The following MROH2B variants were observed in gnomAD, a reference collection of about 807,000 sequenced individuals.
The protein encoded by MROH2B is maestro heat-like repeat-containing protein family member 2B.
A neutral mutation model predicts 208.6 loss-of-function variants in MROH2B; 177 were observed. That is an observed-to-expected ratio of 0.85 (90% CI 0.75 to 0.96). The LOEUF is 0.96. MROH2B is among the 40% of genes least tolerant of loss of function. The pLI, the probability that MROH2B is intolerant of heterozygous loss-of-function variation, is 0.00. For missense variants in MROH2B, 2,002 were observed against 1,878.7 expected (o/e 1.07, Z -1.21); for synonymous variants, 728 against 659.0 (o/e 1.10, Z -1.60).
Position 41,061,498 on chromosome 5 carries a change from G to A in MROH2B, c.615+72C>T, listed in dbSNP as rs945294562. ...CAAAAATACTGAGCCTAATTATCAT[G>A]TCACAAAGAGAAGAGAAATTTCAAC... On this transcript the variant is annotated intron_variant, in intron 6 of 41. Coordinates refer to ENST00000399564, the MANE Select transcript of MROH2B (RefSeq NM_173489.5). The A allele has an allele frequency of 9.2e-6, 12 of 1,298,722 alleles. No homozygotes were observed. The African/African-American group carries it at 1.6e-4, about 18-fold the overall frequency. 80.4% of individuals were successfully genotyped at this position (1,298,722 alleles called of 1,614,324 possible).
intron 26 of MROH2B, 50 bp from the exon 27 acceptor site, chr5:41,018,480 C>T: frequency 6.4e-7 from 1 of 1,566,820 alleles, no homozygotes; most frequent in Non-Finnish European, 8.7e-7. Flanking sequence ...TCATATTCAT[C>T]TAGTTTCATA....
intron 32 of MROH2B, among the ~76,000 whole-genome samples, 178 bp from the exon 33 acceptor site, chr5:41,008,971 G>A (rs1646112446): frequency 1.3e-5 from 2 of 152,090 alleles, no homozygotes; most frequent in Admixed American, 6.5e-5. Flanking sequence ...GACTGCCAGG[G>A]GACACTAGTC....
chr5:41,044,472 G>C (rs950593193), intron 18 of MROH2B, among the ~76,000 whole-genome samples: 1 of 152,164 alleles, frequency 6.6e-6, no homozygotes, highest in African/African-American at 2.4e-5. Flanking sequence ...TGTAAGGCTT[G>C]AGAACATCTA....
At position 41,000,779 on chromosome 5, in the gene MROH2B, G is replaced by A. The variant is rs1187381520; in HGVS notation, c.4249C>T (p.Leu1417=). ...AAAATCTTCCACCTTCTTCCTGTTA[G>A]GGGTGCCAGGTCCTCAAATAAGAAG... ...AIFLFEDLAP[L]TGRRWKIFFA... The change falls in exon 38 of 42, where the codon CTA becomes TTA. Residue 1417 remains leucine, a synonymous_variant. Coordinates refer to ENST00000399564, the MANE Select transcript of MROH2B (RefSeq NM_173489.5). 1 of 1,611,360 alleles carries A rather than the reference G, an allele frequency of 6.2e-7. No individual in the cohort carries two copies. The highest frequency in any genetic ancestry group is 8.5e-7 in the Non-Finnish European group (1 of 1,178,940).
chr5:41,009,473 G>C, intron 31 of MROH2B, 67 bp from the exon 32 acceptor site: 1 of 1,566,092 alleles, frequency 6.4e-7, no homozygotes, highest in East Asian at 2.3e-5. Context: ...TTTTCCATCT[G>C]ACTCACTCTA....
rs890523408 is a variant in MROH2B at position 41,038,751 on chromosome 5, A to G, written c.2199T>C (p.His733=). ...CGGGCATTACCTGAGAGCACTGGCCATGAAGAGACAGGACTTGGGATATGA... is the reference window on the plus strand; with the variant it reads ...CGGGCATTACCTGAGAGCACTGGCCGTGAAGAGACAGGACTTGGGATATGA... ...QDIISQVLSL[H]GQCSQVLGMS... is the part of the protein sequence containing the mutation. Residue 733 remains histidine, a synonymous_variant, in exon 21 of 42, where the codon CAT becomes CAC. Coordinates refer to ENST00000399564, the MANE Select transcript of MROH2B (RefSeq NM_173489.5). 3.7e-6 allele frequency: 6 copies of G among 1,612,296 alleles called. No homozygotes were observed. Among genetic ancestry groups the G allele is most frequent in the African/African-American group, 2.7e-5 (2 of 74,990 alleles).
chr5:41,039,169 G>A (rs775746881), intron 20 of MROH2B, among the ~76,000 whole-genome samples: 1 of 152,252 alleles, frequency 6.6e-6, no homozygotes, highest in South Asian at 2.1e-4. Context: ...GTATGCATGA[G>A]AGGAGCTATT....
chr5:41,039,850 G>A (rs1742888818), intron 19 of MROH2B, among the ~76,000 whole-genome samples: 1 of 152,168 alleles, frequency 6.6e-6, no homozygotes, highest in African/African-American at 2.4e-5. Flanking sequence ...TGAGGATTGG[G>A]GGAAGTTTGC....
chr5:41,029,331 G>C (rs1241764705), intron 24 of MROH2B, among the ~76,000 whole-genome samples: 1 of 151,912 alleles, frequency 6.6e-6, no homozygotes, highest in Non-Finnish European at 1.5e-5. Context: ...ATATTTTCTT[G>C]CTATTGAGTT....
At chr5:41,055,978 T>A in intron 9 of MROH2B, 123 bp from the exon 10 acceptor site, 3 of 687,336 alleles carry the variant, frequency 4.4e-6, no homozygotes, top group Non-Finnish European at 7.6e-6. Context: ...GTAATTTGAT[T>A]TTATTACGTC....
chr5:41,066,467 C>T (rs1743818638), intron 3 of MROH2B, among the ~76,000 whole-genome samples: 2 of 152,172 alleles, frequency 1.3e-5, no homozygotes, highest in Non-Finnish European at 2.9e-5. Flanking sequence ...TCAGGGCCAA[C>T]CAGTGGTGAG....
intron 24 of MROH2B, among the ~76,000 whole-genome samples, chr5:41,025,113 C>A (rs910502451): frequency 6.6e-6 from 1 of 152,096 alleles, no homozygotes; most frequent in Non-Finnish European, 1.5e-5. Context: ...CCTAACATCA[C>A]AATTAAAAGA....
chr5:41,040,962 G>A (rs1457790219), intron 19 of MROH2B, among the ~76,000 whole-genome samples: 1 of 152,060 alleles, frequency 6.6e-6, no homozygotes, highest in Non-Finnish European at 1.5e-5. Flanking sequence ...ACTGTGCCCG[G>A]CCATGATTTA....
chr5:41,032,755 T>C lies in MROH2B; in HGVS notation c.2428A>G (p.Ile810Val), dbSNP rs774710073. 8 of 1,612,238 alleles carry C rather than the reference T, an allele frequency of 5.0e-6. No individual in the cohort carries two copies. The highest frequency in any genetic ancestry group is 1.6e-4 in the Middle Eastern group (1 of 6,074). ...SPIRWKALIA[I>V]RYLSKLKPQL... ...AAAATTATCTACCTGAGATACCTAA[T>C]GGCGATTAAGGCTTTCCACCGAATA... Residue 810 changes from isoleucine to valine, a missense_variant, in exon 24 of 42, where the codon ATT (isoleucine) becomes GTT (valine). Ile to Val is a conservative substitution (Grantham distance 29). Coordinates refer to ENST00000399564, the MANE Select transcript of MROH2B (RefSeq NM_173489.5).
rs200922186 is a variant in MROH2B at position 41,058,125 on chromosome 5, C to T, written c.694G>A (p.Gly232Ser). Residue 232 changes from glycine to serine, a missense_variant, in exon 7 of 42, where the codon GGC becomes AGC. Gly to Ser is a moderately conservative substitution (Grantham distance 56). Transcript: ENST00000399564. The stretch of plus-strand genomic sequence containing the variant: ...TGGTTCAGGAGCCAGGGCACCTGGC[C>T]CAGGGCGTATCCACGGAAGTCTTCC... ...HREDFRGYAL[G>S]QVPWLLNQYK... is the part of the protein sequence containing the mutation. 8 of 1,606,204 alleles carry T rather than the reference C, an allele frequency of 5.0e-6. No individual in the cohort carries two copies. In the Admixed American group the frequency reaches 1.2e-4, roughly 24 times the overall value.
intron 24 of MROH2B, among the ~76,000 whole-genome samples, chr5:41,029,409 C>G (rs796892175): frequency 6.6e-6 from 1 of 152,026 alleles, no homozygotes; most frequent in Non-Finnish European, 1.5e-5. Context: ...CATTTTTTCC[C>G]AATCCATAGG....
intron 41 of MROH2B, 95 bp downstream of exon 41, chr5:40,998,517 C>A: frequency 9.7e-7 from 1 of 1,034,020 alleles, no homozygotes; most frequent in South Asian, 1.5e-5. Flanking sequence ...CTAAGATTTT[C>A]AAGTTCTGGG....
At chr5:41,053,158 C>A (rs892144863) in intron 11 of MROH2B, among the ~76,000 whole-genome samples, 1 of 152,146 alleles carries the variant, frequency 6.6e-6, no homozygotes, top group African/African-American at 2.4e-5. Context: ...AGATAACAGA[C>A]AACTGTTTAT....
In MROH2B at chr5:41,000,662, T is replaced by C. The variant is rs980421308; in HGVS notation, c.4350+16A>G. On this transcript the variant is annotated intron_variant, in intron 38 of 41. Coordinates refer to ENST00000399564, the MANE Select transcript of MROH2B (RefSeq NM_173489.5). ...GGGGAGAGCAGGAGGTGCAGGTGTC[T>C]GTGGAGAGCACTTACAACTCCAATC... The C allele has an allele frequency of 6.2e-7, 1 of 1,603,426 alleles. No homozygotes were observed. The highest frequency in any genetic ancestry group is 8.5e-7 in the Non-Finnish European group (1 of 1,175,142).
Sources: allele counts gnomAD v4.1 joint callset (sites outside exome capture counted in the v4.1 genomes callset), GRCh38; gene constraint gnomAD v4.1.1; transcripts MANE v1.5; gene names NCBI Gene and HGNC (gene_info 2026-07-23, HGNC 2026-07-21).